The following SRPX variants were observed in gnomAD, a reference collection of about 807,000 sequenced individuals.
SRPX encodes sushi repeat-containing protein SRPX.
Under a neutral mutation model 38.1 loss-of-function variants are expected in SRPX, and 24 were observed. The observed-to-expected ratio is 0.63, with a 90% CI of 0.46 to 0.89. SRPX has a LOEUF of 0.89. Ranked by LOEUF, SRPX falls within the 40% of genes least tolerant of loss-of-function variation. SRPX has a pLI of 0.00. For synonymous variants in SRPX, 184 were observed against 153.8 expected, an observed-to-expected ratio of 1.20 and a Z score of -1.45; for missense variants, 416 against 377.8, an observed-to-expected ratio of 1.10 and a Z score of -0.84.
chrX:38,186,611 C>T lies in SRPX; in HGVS notation c.98-8267G>A, dbSNP rs1177849234. Among the ~76,000 whole-genome samples, 5 of 111,886 alleles carry T rather than the reference C, an allele frequency of 4.5e-5. No homozygotes were observed. The Admixed American group carries it at 4.7e-4, about 11-fold the overall frequency. On this transcript the variant is annotated intron_variant, in intron 1 of 9. Transcript: ENST00000378533. ...TCTTAGGTCACTGCGGTAGATACTG[C>T]TTATTCCTCAATCAGATCCCCTTTA...
intron 1 of SRPX, among the ~76,000 whole-genome samples, chrX:38,208,986 C>CTA (rs1292425669): frequency 3.8e-4 from 19 of 50,331 alleles, no homozygotes; most frequent in Admixed American, 8.5e-4. Flanking sequence ...TGTGCTCAGC[C>CTA]TATATATATA....
chrX:38,156,794 A>G, intron 8 of SRPX, 102 bp downstream of exon 8: 1 of 969,485 alleles, frequency 1.0e-6, no homozygotes, highest in Non-Finnish European at 1.4e-6. Flanking sequence ...AACTCACTGT[A>G]AGTGCATTAG....
At chrX:38,213,056 A>G (rs111404771) in intron 1 of SRPX, among the ~76,000 whole-genome samples, 2,509 of 112,659 alleles carry the variant, frequency 0.022, 26 homozygotes, top group Middle Eastern at 0.037. Flanking sequence ...GACTCTGGCT[A>G]GTATCCTGCC....
In SRPX at chrX:38,174,197, C is replaced by G. The variant is rs1220696216; in HGVS notation, c.312G>C (p.Gln104His). 2 of 1,118,211 alleles carry G rather than the reference C, an allele frequency of 1.8e-6. No homozygotes were observed. The highest frequency in any genetic ancestry group is 3.1e-5 in the Admixed American group (1 of 32,505). 92.2% of individuals were successfully genotyped at this position (1,118,211 alleles called of 1,213,427 possible). ...ELHGSSLLICQSNKRWSDKVI... is the reference protein window; with the variant it reads ...ELHGSSLLICHSNKRWSDKVI... ...CCTTGTCAGACCATCGTTTGTTTGA[C>G]TGGCAGATCAGTAGGGAAGAGCCAT... Residue 104 changes from glutamine to histidine, a missense_variant, in exon 3 of 10, where the codon CAG (glutamine) becomes CAC (histidine). Transcript: ENST00000378533.
At chrX:38,201,851 A>C (rs1309324906) in intron 1 of SRPX, among the ~76,000 whole-genome samples, 1 of 110,053 alleles carries the variant, frequency 9.1e-6, no homozygotes, top group African/African-American at 3.3e-5. Flanking sequence ...TTGGGGTAAC[A>C]CTGAATTGGT....
In SRPX at chrX:38,220,841, G is replaced by T; in HGVS notation, c.-49C>A. The T allele has an allele frequency of 9.4e-7, 1 of 1,064,221 alleles. No homozygotes were observed. The highest frequency in any genetic ancestry group is 1.2e-6 in the Non-Finnish European group (1 of 832,645). 87.7% of individuals were successfully genotyped at this position (1,064,221 alleles called of 1,213,427 possible). On this transcript the variant is annotated 5_prime_UTR_variant, in exon 1 of 10. Transcript: ENST00000378533. ...TCGGCAGCGCAGCGCGCTTCCCGGG[G>T]GCGGCAGGAGACCGAAGAGACCAAG...
intron 1 of SRPX, among the ~76,000 whole-genome samples, chrX:38,214,972 C>A (rs1239208381): frequency 8.9e-6 from 1 of 111,831 alleles, no homozygotes; most frequent in African/African-American, 3.3e-5. Flanking sequence ...TCATTAAGTA[C>A]TACTGGATGT....
chrX:38,211,800 C>T (rs890656369), intron 1 of SRPX, among the ~76,000 whole-genome samples: 11 of 111,591 alleles, frequency 9.9e-5, no homozygotes, highest in African/African-American at 3.6e-4. Flanking sequence ...TCTTTAAGTG[C>T]TGTTAACAGT....
chrX:38,201,818 CAAA>C (rs920417516), intron 1 of SRPX, among the ~76,000 whole-genome samples: 5 of 40,180 alleles, frequency 1.2e-4, no homozygotes, highest in Non-Finnish European at 4.8e-5. Flanking sequence ...GACTCCGTCT[CAAA>C]AAAAAAAAAA....
At chrX:38,168,955 C>T (rs995224610) in intron 4 of SRPX, among the ~76,000 whole-genome samples, 30 of 112,019 alleles carry the variant, frequency 2.7e-4, no homozygotes, top group African/African-American at 8.1e-4. Context: ...GAGTTCAAGA[C>T]CAGCCTGGAC....
chrX:38,199,748 GA>G (rs146463626), intron 1 of SRPX, among the ~76,000 whole-genome samples: 64 of 99,382 alleles, frequency 6.4e-4, no homozygotes, highest in South Asian at 3.7e-3. Context: ...AGAGTGGCTG[GA>G]AAAAAAAAAA....
intron 3 of SRPX, 65 bp from the exon 4 acceptor site, chrX:38,172,122 G>A: frequency 1.8e-6 from 2 of 1,100,668 alleles, no homozygotes; most frequent in East Asian, 3.0e-5. Flanking sequence ...TCATTTCAGA[G>A]TCTAGAAACT....
intron 1 of SRPX, among the ~76,000 whole-genome samples, chrX:38,203,547 G>A (rs1158297666): frequency 8.8e-6 from 1 of 113,224 alleles, no homozygotes; most frequent in Non-Finnish European, 1.9e-5. Context: ...GGGAGGCTGA[G>A]GCGAGTGGAT....
At chrX:38,161,264 C>G (rs1938253004) in intron 5 of SRPX, among the ~76,000 whole-genome samples, 1 of 110,855 alleles carries the variant, frequency 9.0e-6, no homozygotes, top group African/African-American at 3.3e-5. Flanking sequence ...AAGACCCAAA[C>G]TACTGGGAAG....
intron 1 of SRPX, among the ~76,000 whole-genome samples, chrX:38,182,629 T>C (rs1376057061): frequency 8.9e-6 from 1 of 111,786 alleles, no homozygotes; most frequent in Non-Finnish European, 1.9e-5. Flanking sequence ...GCAAGTAAAA[T>C]GAAGTCTGCT....
At chrX:38,198,805 G>A (rs963421164) in intron 1 of SRPX, among the ~76,000 whole-genome samples, 5 of 111,118 alleles carry the variant, frequency 4.5e-5, no homozygotes, top group African/African-American at 6.6e-5. Context: ...TCTGGGGCCC[G>A]AGCAACAATC....
At chrX:38,217,266 T>C (rs1288721644) in intron 1 of SRPX, among the ~76,000 whole-genome samples, 1 of 112,706 alleles carries the variant, frequency 8.9e-6, no homozygotes, top group Non-Finnish European at 1.9e-5. Flanking sequence ...AAATATGTGA[T>C]ATATGTGATA....
chrX:38,219,815 C>T (rs1569217864), intron 1 of SRPX, among the ~76,000 whole-genome samples: 1 of 112,498 alleles, frequency 8.9e-6, no homozygotes, highest in African/African-American at 3.2e-5. Context: ...TAAATTAAAA[C>T]GCATCCATGG....
intron 7 of SRPX, among the ~76,000 whole-genome samples, chrX:38,159,165 A>T (rs774625733): frequency 8.9e-6 from 1 of 112,166 alleles, no homozygotes; most frequent in African/African-American, 3.2e-5. Context: ...CACTTATAGC[A>T]TATCTCAATT....
Sources: gnomAD v4.1 joint callset for allele counts (sites outside exome capture counted in the v4.1 genomes callset) on GRCh38, gnomAD v4.1.1 for gene constraint, MANE v1.5 for transcripts, NCBI Gene and HGNC (gene_info 2026-07-23, HGNC 2026-07-21) for gene names.